The following SPAG7 variants were observed in gnomAD, a reference collection of about 807,000 sequenced individuals.
The protein encoded by SPAG7 is sperm-associated antigen 7.
SPAG7 carries 20 observed loss-of-function variants against 30.6 expected under a neutral mutation model. That is an observed-to-expected ratio of 0.65 (90% confidence interval 0.46 to 0.95). The LOEUF (loss-of-function observed/expected upper bound fraction) is 0.95, where lower values mean the gene tolerates loss of function less well. Among genes scored for constraint, SPAG7 ranks in the 40% least tolerant of loss-of-function variants. The pLI is 0.00. For missense variants in SPAG7, 276 were observed against 291.1 expected (o/e 0.95, Z 0.38); for synonymous variants, 127 against 104.2 (o/e 1.22, Z -1.33).
At chr17:4,966,834 C>G (rs1003661614) in intron 1 of SPAG7, 3 of 985,386 alleles carry the variant, frequency 3.0e-6, no homozygotes, top group African/African-American at 1.7e-5. Flanking sequence ...CCCTTGAATA[C>G]TTGGAAGGCG....
chr17:4,964,792 G>A (rs530031005), intron 1 of SPAG7, among the ~76,000 whole-genome samples: 113 of 151,532 alleles, frequency 7.5e-4, no homozygotes, highest in Admixed American at 9.9e-4. Context: ...CTGGAGTGCA[G>A]TGGCGCGATC....
Position 4,960,781 on chromosome 17 carries a change from C to G in SPAG7, c.153+5G>C, listed in dbSNP as rs1204502261. 6.2e-7 allele frequency: 1 copy of G among 1,613,360 alleles called. No individual in the cohort carries two copies. The highest frequency in any genetic ancestry group is 1.3e-5 in the African/African-American group (1 of 74,896). ...TCTGCCTTTGATCACTCCAGTTGTT[C>G]TCACCCTTTTACGAAACTCCACTTT... On this transcript the variant is annotated splice_donor_5th_base_variant and intron_variant, in intron 2 of 6. Transcript: ENST00000206020.
At chr17:4,964,504 G>A (rs1395517711) in intron 1 of SPAG7, among the ~76,000 whole-genome samples, 1 of 151,534 alleles carries the variant, frequency 6.6e-6, no homozygotes, top group Non-Finnish European at 1.5e-5. Flanking sequence ...TGGGACTACA[G>A]GCGCCCGCCA....
intron 1 of SPAG7, among the ~76,000 whole-genome samples, chr17:4,961,665 T>C (rs1434968989): frequency 1.4e-5 from 2 of 145,332 alleles, no homozygotes; most frequent in African/African-American, 2.6e-5. Context: ...CTCGGGAGGC[T>C]GAGGCAGGAG....
intron 1 of SPAG7, chr17:4,966,684 TATC>T: frequency 1.0e-6 from 1 of 985,486 alleles, no homozygotes; most frequent in Non-Finnish European, 1.2e-6. Flanking sequence ...TCAGAGCACT[TATC>T]AAGTTGGTTA....
At chr17:4,966,884 G>A in intron 1 of SPAG7, 2 of 985,396 alleles carry the variant, frequency 2.0e-6, no homozygotes, top group East Asian at 1.1e-4. Context: ...GTGGGGAGCT[G>A]GGACAGGGCT....
intron 1 of SPAG7, among the ~76,000 whole-genome samples, chr17:4,964,569 G>A (rs572482292): frequency 1.3e-5 from 2 of 152,010 alleles, no homozygotes; most frequent in South Asian, 4.2e-4. Flanking sequence ...CACCGTTTTA[G>A]CCAGGATGGT....
chr17:4,963,674 G>A (rs1320989010), intron 1 of SPAG7, among the ~76,000 whole-genome samples: 1 of 152,050 alleles, frequency 6.6e-6, no homozygotes, highest in African/African-American at 2.4e-5. Flanking sequence ...GGCCAGGCTG[G>A]TCTCGAACTC....
At chr17:4,960,888 TG>T in intron 1 of SPAG7, 35 bp from the exon 2 acceptor site, 1 of 1,597,954 alleles carries the variant, frequency 6.3e-7, no homozygotes, top group East Asian at 2.2e-5. Context: ...AAGCCAGGGC[TG>T]GAAGCATGGG....
intron 6 of SPAG7, 50 bp from the exon 7 acceptor site, chr17:4,959,693 C>T: frequency 6.2e-7 from 1 of 1,613,566 alleles, no homozygotes; most frequent in South Asian, 1.1e-5. Context: ...GTACCTCAGC[C>T]TCCACTGCCC....
In SPAG7 at chr17:4,965,205, G is replaced by T. The variant is rs371566526; in HGVS notation, c.85+2515C>A. Reference sequence around the variant, plus strand: ...TGGGATTACAGGCGTGAGCCACCACGCCCGCCCATTTTTTTGTATTTTTCG... The same window carrying T: ...TGGGATTACAGGCGTGAGCCACCACTCCCGCCCATTTTTTTGTATTTTTCG... On this transcript the variant is annotated intron_variant, in intron 1 of 6. Transcript: ENST00000206020. 2.0e-5 allele frequency among the ~76,000 whole-genome samples: 3 copies of T among 151,654 alleles called. No homozygotes were observed. In the East Asian group the frequency reaches 5.8e-4, roughly 29 times the overall value.
rs778804800 is a variant in SPAG7, at chr17:4,959,351, ATG to A, written c.*181_*182del. 4 of 543,632 alleles carry A rather than the reference ATG, an allele frequency of 7.4e-6. No homozygotes were observed. Among genetic ancestry groups the A allele is most frequent in the Non-Finnish European group, 1.3e-5 (4 of 298,456 alleles). The allele number at this position is 543,632 out of a possible 1,614,324, so 33.7% of individuals were successfully genotyped here. On this transcript the variant is annotated 3_prime_UTR_variant, in exon 7 of 7. Coordinates refer to ENST00000206020, the MANE Select transcript of SPAG7 (RefSeq NM_004890.3). ...TTCACACTCTCACACACACACACAC[ATG>A]CCACGCACATATCCAAGCTCCAACG...
chr17:4,961,411 C>T (rs562235315), intron 1 of SPAG7, among the ~76,000 whole-genome samples: 6 of 131,704 alleles, frequency 4.6e-5, no homozygotes, highest in South Asian at 4.9e-4. Context: ...GAGCTGAGAT[C>T]GCGCCATTGC....
chr17:4,959,517 G>C lies in SPAG7; in HGVS notation c.*17C>G. 1.2e-6 allele frequency: 2 copies of C among 1,605,610 alleles called. No individual in the cohort carries two copies. The highest frequency in any genetic ancestry group is 1.7e-6 in the Non-Finnish European group (2 of 1,175,450). On this transcript the variant is annotated 3_prime_UTR_variant, in exon 7 of 7. Coordinates refer to ENST00000206020, the MANE Select transcript of SPAG7 (RefSeq NM_004890.3). ...CCCTGCCCTGCCCCAGGGGTCAAAG[G>C]GAGCTGGGCGGGGCGCCTAGGAGGT...
intron 1 of SPAG7, among the ~76,000 whole-genome samples, chr17:4,965,353 A>G (rs185786503): frequency 1.3e-5 from 2 of 152,132 alleles, no homozygotes; most frequent in East Asian, 1.9e-4. Context: ...CATTTTTCAA[A>G]TAACTCCATG....
In SPAG7 at chr17:4,959,925, G is replaced by A. The variant is rs748847567; in HGVS notation, c.418-9C>T. On this transcript the variant is annotated splice_polypyrimidine_tract_variant and intron_variant, in intron 5 of 6. Coordinates refer to ENST00000206020, the MANE Select transcript of SPAG7 (RefSeq NM_004890.3). ...TGCCTCTGGGCCAGCTCCTAGGGGT[G>A]AAAGTGGGGGCACTGGTGCTCAGGG... 1.9e-6 allele frequency: 3 copies of A among 1,612,900 alleles called. No homozygotes were observed. Among genetic ancestry groups the A allele is most frequent in the Non-Finnish European group, 2.5e-6 (3 of 1,179,894 alleles).
At chr17:4,959,941 G>A in intron 5 of SPAG7, 25 bp from the exon 6 acceptor site, 1 of 1,612,804 alleles carries the variant, frequency 6.2e-7, no homozygotes, top group Non-Finnish European at 8.5e-7. Context: ...GGGGGCACTG[G>A]TGCTCAGGGC....
At chr17:4,960,350 C>A in intron 3 of SPAG7, 32 bp from the exon 4 acceptor site, 1 of 1,612,290 alleles carries the variant, frequency 6.2e-7, no homozygotes. Context: ...GAAAGAGCAT[C>A]TTGAGCCAGG....
chr17:4,967,040 C>A, intron 1 of SPAG7: 1 of 985,778 alleles, frequency 1.0e-6, no homozygotes, highest in Non-Finnish European at 1.2e-6. Context: ...TCCAGCCCAC[C>A]CGCAGGGAAG....
Sources: allele counts gnomAD v4.1 joint callset (sites outside exome capture counted in the v4.1 genomes callset), GRCh38; gene constraint gnomAD v4.1.1; transcripts MANE v1.5; gene names NCBI Gene and HGNC (gene_info 2026-07-23, HGNC 2026-07-21).